Variants in VIT observed in about 807,000 individuals in gnomAD.
The protein encoded by VIT is vitrin.
VIT carries 99 observed loss-of-function variants against 78.0 expected under a neutral mutation model. The observed-to-expected ratio is 1.27, with a 90% CI of 1.08 to 1.50. VIT has a LOEUF of 1.50. Ranked by LOEUF, VIT falls within the 40% of genes most tolerant of loss-of-function variation. The probability of loss-of-function intolerance (pLI) is 0.00; values close to 1 mark genes in which losing one functional copy is unlikely to be tolerated. For missense variants in VIT, 1,126 were observed against 875.3 expected (o/e 1.29, Z -3.61); for synonymous variants, 374 against 334.3 (o/e 1.12, Z -1.29).
intron 3 of VIT, among the ~76,000 whole-genome samples, chr2:36,736,722 C>T (rs1667530494): frequency 6.6e-6 from 1 of 152,164 alleles, no homozygotes; most frequent in African/African-American, 2.4e-5. Flanking sequence ...GGGCCCAATC[C>T]CTATCCCCAA....
intron 12 of VIT, among the ~76,000 whole-genome samples, chr2:36,794,615 C>T (rs1386868306): frequency 6.6e-6 from 1 of 152,118 alleles, no homozygotes; most frequent in Non-Finnish European, 1.5e-5. Flanking sequence ...GTACTGCGCC[C>T]TTGGTCATTT....
intron 1 of VIT, among the ~76,000 whole-genome samples, chr2:36,714,709 C>A (rs1287355504): frequency 6.6e-6 from 1 of 152,194 alleles, no homozygotes; most frequent in Non-Finnish European, 1.5e-5. Context: ...GCAGATTCCT[C>A]CACCCACTTT....
At chr2:36,705,969 C>A (rs1342893955) in intron 1 of VIT, among the ~76,000 whole-genome samples, 2 of 152,192 alleles carry the variant, frequency 1.3e-5, no homozygotes, top group African/African-American at 4.8e-5. Context: ...GTTGCGACAA[C>A]CCAAAAAGTC....
At chr2:36,763,737 G>A (rs1365588954) in intron 6 of VIT, among the ~76,000 whole-genome samples, 1 of 151,966 alleles carries the variant, frequency 6.6e-6, no homozygotes. Flanking sequence ...TTACAGGGAT[G>A]TGCCACCACC....
chr2:36,699,770 C>T (rs1469192550), intron 1 of VIT, among the ~76,000 whole-genome samples: 1 of 152,132 alleles, frequency 6.6e-6, no homozygotes, highest in East Asian at 1.9e-4. Flanking sequence ...AATATAACCC[C>T]ATTCGGAAAG....
chr2:36,771,532 A>AAAAAAG (rs964022649), intron 7 of VIT, among the ~76,000 whole-genome samples: 1 of 151,624 alleles, frequency 6.6e-6, no homozygotes, highest in Admixed American at 6.6e-5. Flanking sequence ...TCTCAAAAAA[A>AAAAAAG]AAAAAGAAAA....
Position 36,805,511 on chromosome 2 carries a change from G to A in VIT, c.1236G>A (p.Val412=), listed in dbSNP as rs1666649934. The change falls in exon 14 of 16, where the codon GTG becomes GTA. Residue 412 remains valine (V), a synonymous_variant. Coordinates refer to ENST00000379242, the MANE Select transcript of VIT (RefSeq NM_053276.4). ...ANGNRSGAPN[V]VVVMVDGWPT... ...GAAACAGAAGCGGGGCTCCCAATGT[G>A]GTGGTGGTGATGGTGGATGGCTGGC... is the stretch of plus-strand genomic sequence containing the variant. 1.9e-6 allele frequency: 3 copies of A among 1,613,924 alleles called. No homozygotes were observed. Among genetic ancestry groups the A allele is most frequent in the Non-Finnish European group, 2.5e-6 (3 of 1,179,988 alleles).
intron 6 of VIT, among the ~76,000 whole-genome samples, chr2:36,766,709 C>T (rs1340012707): frequency 2.0e-5 from 3 of 152,116 alleles, no homozygotes; most frequent in Non-Finnish European, 2.9e-5. Context: ...CCAAATGCAC[C>T]TTCTGTCTTC....
intron 8 of VIT, 125 bp downstream of exon 8, chr2:36,773,972 A>G (rs1163415440): frequency 2.1e-6 from 2 of 931,652 alleles, no homozygotes; most frequent in African/African-American, 1.7e-5. Flanking sequence ...TTAGGCCAAC[A>G]GAAGATGCCA....
chr2:36,771,393 G>C (rs1210987153), intron 7 of VIT, among the ~76,000 whole-genome samples: 1 of 152,098 alleles, frequency 6.6e-6, no homozygotes, highest in Non-Finnish European at 1.5e-5. Context: ...AGATGCAGTG[G>C]TGTGCACCTG....
At chr2:36,782,504 A>G (rs999841886) in intron 10 of VIT, among the ~76,000 whole-genome samples, 2 of 152,168 alleles carry the variant, frequency 1.3e-5, no homozygotes, top group African/African-American at 4.8e-5. Context: ...AGACCCCCGC[A>G]CCTTCCTCCA....
chr2:36,741,428 C>T (rs1427259407), intron 3 of VIT, among the ~76,000 whole-genome samples: 1 of 152,148 alleles, frequency 6.6e-6, no homozygotes, highest in Non-Finnish European at 1.5e-5. Context: ...AACTCAACCC[C>T]TCGGTTCCCA....
chr2:36,730,481 T>C (rs1343450719), intron 3 of VIT, among the ~76,000 whole-genome samples: 1 of 152,128 alleles, frequency 6.6e-6, no homozygotes, highest in African/African-American at 2.4e-5. Flanking sequence ...CTGCCCCAGC[T>C]CCATCCATCA....
chr2:36,771,588 G>GT (rs552766167), intron 7 of VIT, among the ~76,000 whole-genome samples: 7 of 148,784 alleles, frequency 4.7e-5, no homozygotes, highest in African/African-American at 7.4e-5. Flanking sequence ...CAGGAATCAA[G>GT]TAAGTACAAA....
chr2:36,801,262 C>G (rs765542615), intron 12 of VIT, 39 bp from the exon 13 acceptor site: 2 of 1,548,796 alleles, frequency 1.3e-6, no homozygotes, highest in South Asian at 2.2e-5. Context: ...AAGGTATTAA[C>G]TTTGCAGCTA....
chr2:36,702,239 G>A (rs562116083), intron 1 of VIT, among the ~76,000 whole-genome samples: 2 of 152,200 alleles, frequency 1.3e-5, no homozygotes, highest in South Asian at 4.2e-4. Context: ...GCAAGCTGAA[G>A]GAGCAGGAAA....
At chr2:36,776,615 AC>A (rs1670061656) in intron 9 of VIT, among the ~76,000 whole-genome samples, 1 of 152,028 alleles carries the variant, frequency 6.6e-6, no homozygotes, top group Non-Finnish European at 1.5e-5. Context: ...AGTTTGGCCC[AC>A]ATAGTGAGAC....
chr2:36,703,192 C>G (rs1162290637), intron 1 of VIT, among the ~76,000 whole-genome samples: 2 of 152,364 alleles, frequency 1.3e-5, no homozygotes, highest in South Asian at 2.1e-4. Context: ...ACCAAGATCT[C>G]TGGCTGATGA....
chr2:36,750,713 C>G (rs1249451039), intron 4 of VIT, among the ~76,000 whole-genome samples: 1 of 151,246 alleles, frequency 6.6e-6, no homozygotes, highest in Non-Finnish European at 1.5e-5. Context: ...CCCAGCTACT[C>G]GGGAGGCTGA....
Sources: gnomAD v4.1 joint callset for allele counts (sites outside exome capture counted in the v4.1 genomes callset) on GRCh38, gnomAD v4.1.1 for gene constraint, MANE v1.5 for transcripts, NCBI Gene and HGNC (gene_info 2026-07-23, HGNC 2026-07-21) for gene names.